SLC30A10: variants seen among roughly 807,000 people sequenced by gnomAD.
The protein encoded by SLC30A10 is calcium/manganese antiporter SLC30A10.
Under a neutral mutation model 21.7 loss-of-function variants are expected in SLC30A10, and 8 were observed. That is an observed-to-expected ratio of 0.37 (90% CI 0.22 to 0.67). The LOEUF is 0.67. Ranked by LOEUF, SLC30A10 falls within the 30% of genes least tolerant of loss-of-function variation. The pLI is 0.58. For missense variants in SLC30A10, 521 were observed against 642.5 expected (o/e 0.81, Z 2.04); for synonymous variants, 272 against 279.4 (o/e 0.97, Z 0.26).
intron 2 of SLC30A10, among the ~76,000 whole-genome samples, chr1:219,920,683 C>T (rs1659655915): frequency 6.6e-6 from 1 of 152,092 alleles, no homozygotes; most frequent in South Asian, 2.1e-4. Flanking sequence ...ATTATACTTA[C>T]CCATTAAGTC....
chr1:219,933,131 G>A (rs1460871789), upstream of SLC30A10, among the ~76,000 whole-genome samples: 3 of 151,886 alleles, frequency 2.0e-5, no homozygotes, highest in Non-Finnish European at 2.9e-5. Context: ...TATTTATAAG[G>A]GAGTTGTGAT....
Position 219,915,553 on chromosome 1 carries a change from C to T in SLC30A10, c.1354G>A (p.Glu452Lys). The T allele has an allele frequency of 6.2e-7, 1 of 1,614,254 alleles. No individual in the cohort carries two copies. The highest frequency in any genetic ancestry group is 8.5e-7 in the Non-Finnish European group (1 of 1,180,046). ...SDGLSRRDAR[E>K]VAIEVSLDSC... ...TCCAAAGACACTTCAATAGCCACTT[C>T]TCTTGCGTCTCTTCTACTGAGGCCA... The change falls in exon 4 of 4, where the codon GAA (glutamate) becomes AAA (lysine). Residue 452 changes from glutamate to lysine, a missense_variant. Physicochemically the swap from Glu to Lys is moderately conservative, Grantham distance 56. Coordinates refer to ENST00000366926, the MANE Select transcript of SLC30A10 (RefSeq NM_018713.3).
chr1:219,943,424 A>G (rs1455001980), intron 1 of SLC30A10, among the ~76,000 whole-genome samples: 1 of 152,174 alleles, frequency 6.6e-6, no homozygotes, highest in African/African-American at 2.4e-5. Flanking sequence ...GGAAACTTGG[A>G]CTTCCATTCT....
At chr1:219,948,344 T>C (rs895325150) in intron 1 of SLC30A10, among the ~76,000 whole-genome samples, 3 of 151,694 alleles carry the variant, frequency 2.0e-5, no homozygotes, top group Non-Finnish European at 2.9e-5. Flanking sequence ...AGGCATCACA[T>C]TACCTGACTT....
intron 2 of SLC30A10, among the ~76,000 whole-genome samples, chr1:219,925,655 T>A (rs200138602): frequency 0.042 from 2,387 of 56,310 alleles, 29 homozygotes; most frequent in South Asian, 0.061. Context: ...ATATATATTT[T>A]TTTTTTTTTT....
chr1:219,940,075 C>T (rs1010239954), intron 1 of SLC30A10, among the ~76,000 whole-genome samples: 5 of 152,200 alleles, frequency 3.3e-5, no homozygotes, highest in East Asian at 1.9e-4. Flanking sequence ...ACTCTATGTG[C>T]TTGACACTCC....
intron 1 of SLC30A10, among the ~76,000 whole-genome samples, chr1:219,956,688 A>G (rs983392263): frequency 6.6e-6 from 1 of 151,828 alleles, no homozygotes; most frequent in Non-Finnish European, 1.5e-5. Flanking sequence ...GAAGAAAAGA[A>G]AAAAAAGAAA....
chr1:219,927,638 T>TAAAAAAAAAAAAA (rs77015523), intron 1 of SLC30A10, among the ~76,000 whole-genome samples, 163 bp downstream of exon 1: 3 of 53,406 alleles, frequency 5.6e-5, no homozygotes, highest in Non-Finnish European at 7.4e-5. Context: ...ATGGATTTAT[T>TAAAAAAAAAAAAA]AAAAAAAAAA....
rs915994385 is a variant in SLC30A10 at position 219,938,591 on chromosome 1, G to A, written n.81-11486C>T. ...GAGGAAGTTTAATTCTGGGGTGGAC[G>A]ATTAGGAAGCTCTTTGCCACTACAT... On this transcript the variant is annotated intron_variant and non_coding_transcript_variant, in intron 1 of 8. Transcript: ENST00000484239. 3.9e-5 allele frequency among the ~76,000 whole-genome samples: 6 copies of A among 152,328 alleles called. 1 individual carries two copies. The highest frequency in any genetic ancestry group is 3.9e-4 in the East Asian group (2 of 5,186).
intron 1 of SLC30A10, among the ~76,000 whole-genome samples, chr1:219,936,629 A>G (rs1026496211): frequency 6.6e-6 from 1 of 152,098 alleles, no homozygotes; most frequent in Non-Finnish European, 1.5e-5. Context: ...GAGAGGTTTC[A>G]TTTCTTGTCT....
At chr1:219,956,837 C>A (rs1009016596) in intron 1 of SLC30A10, among the ~76,000 whole-genome samples, 4 of 152,024 alleles carry the variant, frequency 2.6e-5, no homozygotes, top group Non-Finnish European at 4.4e-5. Flanking sequence ...AAAAATAGAA[C>A]TATGGTGTGT....
intron 2 of SLC30A10, among the ~76,000 whole-genome samples, chr1:219,923,028 G>C (rs1261725023): frequency 1.2e-4 from 19 of 152,182 alleles, no homozygotes; most frequent in Admixed American, 1.2e-3. Context: ...AGACAGTGAA[G>C]AGCTGATGGG....
chr1:219,955,173 C>T (rs796519928), intron 1 of SLC30A10, among the ~76,000 whole-genome samples: 13 of 152,248 alleles, frequency 8.5e-5, no homozygotes, highest in African/African-American at 2.6e-4. Flanking sequence ...ATGTTGTTTC[C>T]ACCCCTTCAA....
In SLC30A10 at chr1:219,918,607, T is replaced by G. The variant is rs1307368587; in HGVS notation, c.719-113A>C. On this transcript the variant is annotated intron_variant, in intron 2 of 3. Transcript: ENST00000366926. This position sits in a 1 kb window ranked among gnomAD's most constrained non-coding sequence, Gnocchi z 4.4. ...TCTGTTACCATTTGGAGTTTTTTGG[T>G]TTTTGTTTTGGTTAGAACAGTAGGA... 5.6e-6 allele frequency: 8 copies of G among 1,430,934 alleles called. No homozygotes were observed. The highest frequency in any genetic ancestry group is 5.6e-6 in the Non-Finnish European group (6 of 1,076,696). 88.6% of individuals were successfully genotyped at this position (1,430,934 alleles called of 1,614,324 possible).
chr1:219,953,088 G>T (rs1558261886), intron 1 of SLC30A10, among the ~76,000 whole-genome samples: 1 of 152,204 alleles, frequency 6.6e-6, no homozygotes, highest in African/African-American at 2.4e-5. Context: ...TCATGTGGAA[G>T]TTAATTGATC....
At chr1:219,949,290 A>G (rs1156871279) in intron 1 of SLC30A10, among the ~76,000 whole-genome samples, 2 of 151,788 alleles carry the variant, frequency 1.3e-5, no homozygotes, top group East Asian at 3.9e-4. Context: ...TCATGCTGCT[A>G]TAAAGACACA....
At chr1:219,925,675 A>ATTTT (rs1659805031) in intron 2 of SLC30A10, among the ~76,000 whole-genome samples, 1 of 19,802 alleles carries the variant, frequency 5.0e-5, no homozygotes, top group African/African-American at 2.0e-4. Flanking sequence ...TTTTTTTTTG[A>ATTTT]GACAGAATCT....
At position 219,915,635 on chromosome 1, in the gene SLC30A10, G is replaced by A. The variant is rs544895572; in HGVS notation, c.1272C>T (p.His424=). The A allele has an allele frequency of 3.0e-4, 479 of 1,614,238 alleles. 7 individuals carry two copies. The South Asian group carries it at 4.6e-3, about 16-fold the overall frequency. Residue 424 remains histidine, a synonymous_variant, in exon 4 of 4, where the codon CAC becomes CAT. Transcript: ENST00000366926. ...CCPPGALPLA[H]VNGCAEHNGG... ...CATTGTGCTCAGCACAGCCATTGAC[G>A]TGAGCCAGAGGCAGTGCCCCGGGGG...
At chr1:219,930,053 C>T (rs916157478), upstream of SLC30A10, among the ~76,000 whole-genome samples, 1 of 152,126 alleles carries the variant, frequency 6.6e-6, no homozygotes, top group Non-Finnish European at 1.5e-5. Context: ...GTCTGGTCAT[C>T]TCTATTCTCC....
Sources: gnomAD v4.1 joint callset for allele counts (sites outside exome capture counted in the v4.1 genomes callset) on GRCh38, gnomAD v4.1.1 for gene constraint, Gnocchi (gnomAD v3.1) non-coding constraint, MANE v1.5 for transcripts, NCBI Gene and HGNC (gene_info 2026-07-23, HGNC 2026-07-21) for gene names.